Variants in ERI3 observed in about 807,000 individuals in gnomAD.
ERI3 encodes the protein ERI1 exoribonuclease 3.
In ERI3, 18 loss-of-function variants were observed where a neutral mutation model predicts 44.4. That is an observed-to-expected ratio of 0.41 (90% CI 0.28 to 0.60). ERI3 has a LOEUF of 0.60. Among genes scored for constraint, ERI3 ranks in the 20% least tolerant of loss-of-function variants. The probability of loss-of-function intolerance (pLI) is 0.36; values close to 1 mark genes in which losing one functional copy is unlikely to be tolerated. For missense variants in ERI3, 294 were observed against 435.5 expected, an observed-to-expected ratio of 0.68 and a Z score of 2.89; for synonymous variants, 183 against 164.8, an observed-to-expected ratio of 1.11 and a Z score of -0.84.
Position 44,235,931 on chromosome 1 carries a change from G to A in ERI3, c.931+12008C>T, listed in dbSNP as rs895435854. Among the ~76,000 whole-genome samples, 15 of 152,162 alleles carry A rather than the reference G, an allele frequency of 9.9e-5. No individual in the cohort carries two copies. Among genetic ancestry groups the A allele is most frequent in the South Asian group, 2.1e-4 (1 of 4,834 alleles). ...GAAGGGGGGATGCCCTCCCTAAGCC[G>A]TGTCCCACCTGGTAAATATTTCATC... On this transcript the variant is annotated intron_variant, in intron 8 of 8. Transcript: ENST00000372257. The surrounding 1 kb of genome is among the most constrained non-coding windows in gnomAD (Gnocchi z 4.6).
intron 4 of ERI3, among the ~76,000 whole-genome samples, chr1:44,314,150 T>C (rs1572256144): frequency 9.1e-6 from 1 of 110,068 alleles, no homozygotes; most frequent in Non-Finnish European, 2.1e-5. Context: ...TTTTAAAGTG[T>C]GTTGGGGGGG....
At chr1:44,354,747 G>C in intron 1 of ERI3, 145 bp downstream of exon 1, 8 of 1,246,722 alleles carry the variant, frequency 6.4e-6, no homozygotes, top group Non-Finnish European at 6.1e-6. Context: ...CCCTCCGCCA[G>C]AACATTACTC....
At chr1:44,230,377 G>A (rs1644152117) in intron 8 of ERI3, 1 of 152,216 alleles carries the variant, frequency 6.6e-6, no homozygotes, top group Non-Finnish European at 1.5e-5. Context: ...ATCACCTACA[G>A]CCAAGTGAAG....
Position 44,333,064 on chromosome 1 carries a change from C to T in ERI3, c.489+5981G>A, listed in dbSNP as rs1003852746. ...CAGGAGTCGGGAGCCTGTACAAGAA[C>T]ACTTACAGCTCACACAGTCATCATA... is the stretch of plus-strand genomic sequence containing the variant. On this transcript the variant is annotated intron_variant, in intron 3 of 8. Coordinates refer to ENST00000372257, the MANE Select transcript of ERI3 (RefSeq NM_024066.3). Among the ~76,000 whole-genome samples the T allele has an allele frequency of 6.6e-4, 101 of 152,218 alleles. 1 individual carries two copies. Among genetic ancestry groups the T allele is most frequent in the Admixed American group, 1.2e-3 (18 of 15,288 alleles).
chr1:44,300,076 G>C (rs1645691807), intron 6 of ERI3, among the ~76,000 whole-genome samples: 1 of 152,122 alleles, frequency 6.6e-6, no homozygotes, highest in South Asian at 2.1e-4. Context: ...ATGGTCAAGG[G>C]GAGAGCCTCA....
intron 7 of ERI3, among the ~76,000 whole-genome samples, chr1:44,278,573 CATAAA>C (rs1645225346): frequency 6.6e-6 from 1 of 151,484 alleles, no homozygotes; most frequent in Non-Finnish European, 1.5e-5. Flanking sequence ...CTGTACTAAA[CATAAA>C]ATTTTTCAAG....
At chr1:44,342,826 T>TATATATATATATATATATATATATAA (rs1646688622) in intron 2 of ERI3, among the ~76,000 whole-genome samples, 1 of 17,292 alleles carries the variant, frequency 5.8e-5, no homozygotes, top group African/African-American at 2.6e-4. Flanking sequence ...TATATATATA[T>TATATATATATATATATATATATATAA]ATATATATAT....
intron 6 of ERI3, among the ~76,000 whole-genome samples, chr1:44,298,590 G>A (rs949849903): frequency 5.3e-5 from 8 of 152,280 alleles, no homozygotes; most frequent in Middle Eastern, 3.4e-3. Context: ...ACAATGCACA[G>A]GAATCTCCTA....
rs138946018 is a variant in ERI3, at chr1:44,221,881, G to A, written c.932-241C>T. On this transcript the variant is annotated intron_variant, in intron 8 of 8. Coordinates refer to ENST00000372257, the MANE Select transcript of ERI3 (RefSeq NM_024066.3). The surrounding 1 kb of genome is among the most constrained non-coding windows in gnomAD (Gnocchi z 5.9). ...CCATAATTCATGCTGGAAATTGGCCGGCATGTCCCGCCCCAGCCCCAGCGG... is the reference window on the plus strand; with the variant it reads ...CCATAATTCATGCTGGAAATTGGCCAGCATGTCCCGCCCCAGCCCCAGCGG... 3.0e-4 allele frequency among the ~76,000 whole-genome samples: 46 copies of A among 152,288 alleles called. No homozygotes were observed. The highest frequency in any genetic ancestry group is 1.0e-3 in the African/African-American group (43 of 41,562).
intron 6 of ERI3, among the ~76,000 whole-genome samples, chr1:44,302,025 C>T (rs1283690666): frequency 6.6e-6 from 1 of 152,194 alleles, no homozygotes; most frequent in Non-Finnish European, 1.5e-5. Context: ...CCTTAGAATG[C>T]CCAATTCACT....
At chr1:44,223,324 A>AG (rs1643949528) in intron 8 of ERI3, among the ~76,000 whole-genome samples, 1 of 151,736 alleles carries the variant, frequency 6.6e-6, no homozygotes, top group African/African-American at 2.4e-5. Context: ...TAGTGGGTGG[A>AG]GGAGGGAGGG....
At chr1:44,317,064 C>T (rs1646102531) in intron 4 of ERI3, among the ~76,000 whole-genome samples, 1 of 152,174 alleles carries the variant, frequency 6.6e-6, no homozygotes, top group Non-Finnish European at 1.5e-5. Context: ...TGGAATCCTT[C>T]TTCCTACTGT....
rs191485770 is a variant in ERI3 at position 44,346,422 on chromosome 1, G to T, written c.211+6428C>A. On this transcript the variant is annotated intron_variant, in intron 2 of 8. Transcript: ENST00000372257. The stretch of plus-strand genomic sequence containing the variant: ...TTGCCTGCTGTTTGCTAACCCAGCA[G>T]CCATGCCCAGTAGCTTGGGCAAACT... 1.6e-4 allele frequency among the ~76,000 whole-genome samples: 24 copies of T among 152,372 alleles called. No homozygotes were observed. The East Asian group carries it at 3.7e-3, about 23-fold the overall frequency.
chr1:44,301,036 T>C (rs1412102717), intron 6 of ERI3, among the ~76,000 whole-genome samples: 3 of 152,154 alleles, frequency 2.0e-5, no homozygotes, highest in African/African-American at 7.2e-5. Context: ...CCAGGATTCA[T>C]TTCCCTGTCT....
chr1:44,345,667 C>T (rs1402218415), intron 2 of ERI3, among the ~76,000 whole-genome samples: 1 of 152,116 alleles, frequency 6.6e-6, no homozygotes, highest in African/African-American at 2.4e-5. Flanking sequence ...TAAAAATAGC[C>T]TGGGAAAAAA....
chr1:44,250,401 A>G (rs867233181), intron 7 of ERI3, among the ~76,000 whole-genome samples: 1 of 152,128 alleles, frequency 6.6e-6, no homozygotes, highest in Non-Finnish European at 1.5e-5. Flanking sequence ...CCGTGATTAG[A>G]TTATTATTGT....
chr1:44,261,059 G>T (rs1572136800), intron 7 of ERI3, among the ~76,000 whole-genome samples: 1 of 152,242 alleles, frequency 6.6e-6, no homozygotes, highest in Non-Finnish European at 1.5e-5. Context: ...GCAGGCAGGT[G>T]CTGTTCTAGC....
At chr1:44,267,052 C>T (rs1645003696) in intron 7 of ERI3, among the ~76,000 whole-genome samples, 1 of 152,022 alleles carries the variant, frequency 6.6e-6, no homozygotes, top group Non-Finnish European at 1.5e-5. Flanking sequence ...GATATTTGCC[C>T]CAAAGCAAGC....
At chr1:44,282,549 C>A (rs969035981) in intron 7 of ERI3, among the ~76,000 whole-genome samples, 4 of 152,154 alleles carry the variant, frequency 2.6e-5, no homozygotes, top group Admixed American at 2.0e-4. Flanking sequence ...GTGCAGCCTG[C>A]ACCAAGTCAC....
Sources: gnomAD v4.1 joint callset for allele counts (sites outside exome capture counted in the v4.1 genomes callset) on GRCh38, gnomAD v4.1.1 for gene constraint, Gnocchi (gnomAD v3.1) non-coding constraint, MANE v1.5 for transcripts, NCBI Gene and HGNC (gene_info 2026-07-23, HGNC 2026-07-21) for gene names.